Variants in TMEM209 observed in about 807,000 individuals in gnomAD.
TMEM209 encodes transmembrane protein 209, also known as testicular tissue protein Li 202.
A neutral mutation model predicts 76.2 loss-of-function variants in TMEM209; 65 were observed. That is an observed-to-expected ratio of 0.85 (90% CI 0.70 to 1.05). TMEM209 has a LOEUF of 1.05. Ranked by LOEUF, TMEM209 falls within the 50% of genes least tolerant of loss-of-function variation. TMEM209 has a pLI of 0.00. For synonymous variants in TMEM209, 239 were observed against 237.6 expected, an observed-to-expected ratio of 1.01 and a Z score of -0.06; for missense variants, 623 against 685.5, an observed-to-expected ratio of 0.91 and a Z score of 1.02.
At chr7:130,184,611 G>C (rs919538988) in intron 7 of TMEM209, among the ~76,000 whole-genome samples, 1 of 151,242 alleles carries the variant, frequency 6.6e-6, no homozygotes, top group Non-Finnish European at 1.5e-5. Flanking sequence ...TCCCGCCTCA[G>C]CCTCCTGAGT....
Position 130,175,528 on chromosome 7 carries a change from A to C in TMEM209, c.1328T>G (p.Leu443Arg). 1 of 1,612,794 alleles carries C rather than the reference A, an allele frequency of 6.2e-7. No homozygotes were observed. Residue 443 changes from leucine (L) to arginine (R), a missense_variant, in exon 11 of 15, where the codon CTG (leucine) becomes CGG (arginine). Leu to Arg is a moderately radical substitution (Grantham distance 102). Transcript: ENST00000397622. ...DFKGRKWDTD[L>R]PTDSAIIMHV... Reference sequence around the variant, plus strand: ...GGGGCTTACAGCAGAATCGGTGGGCAGGTCTGTATCCCACTTTCGTCCTTT... The same window carrying C: ...GGGGCTTACAGCAGAATCGGTGGGCCGGTCTGTATCCCACTTTCGTCCTTT...
At chr7:130,187,335 T>C (rs1797636307) in intron 6 of TMEM209, among the ~76,000 whole-genome samples, 1 of 151,014 alleles carries the variant, frequency 6.6e-6, no homozygotes, top group Non-Finnish European at 1.5e-5. Flanking sequence ...GAATAGCCAG[T>C]GGTTAAAAAT....
At chr7:130,195,401 T>A (rs542986761) in intron 5 of TMEM209, among the ~76,000 whole-genome samples, 7 of 152,236 alleles carry the variant, frequency 4.6e-5, no homozygotes, top group Admixed American at 2.0e-4. Context: ...TCCTATTGGA[T>A]CTAATTGAAT....
intron 14 of TMEM209, among the ~76,000 whole-genome samples, chr7:130,167,274 G>A (rs1796911263): frequency 6.6e-6 from 1 of 152,082 alleles, no homozygotes. Flanking sequence ...AAAATTATAA[G>A]AATGTATTAA....
At chr7:130,205,179 C>A (rs1798401975) in intron 1 of TMEM209, 194 bp downstream of exon 1, 15 of 1,500,708 alleles carry the variant, frequency 1.0e-5, no homozygotes, top group Non-Finnish European at 1.3e-5. Flanking sequence ...ATTTCCCAGT[C>A]CAGAGCTTCC....
At chr7:130,183,314 G>A (rs1284096322) in intron 8 of TMEM209, among the ~76,000 whole-genome samples, 1 of 152,008 alleles carries the variant, frequency 6.6e-6, no homozygotes, top group African/African-American at 2.4e-5. Context: ...ATTACCTAAC[G>A]TGTCCCAGAG....
rs746516956 is a variant in TMEM209, at chr7:130,192,667, T to C, written c.730A>G (p.Thr244Ala). The C allele has an allele frequency of 1.2e-5, 20 of 1,613,770 alleles. No individual in the cohort carries two copies. The South Asian group carries it at 1.9e-4, about 15-fold the overall frequency. Residue 244 changes from threonine to alanine, a missense_variant, in exon 6 of 15, where the codon ACT (threonine) becomes GCT (alanine). Transcript: ENST00000397622. ...TTCTCCTCTTCACTTCTGAGAAAAGTATCCAAAGTTCGTAGGTCGGTCATG... is the reference window on the plus strand; with the variant it reads ...TTCTCCTCTTCACTTCTGAGAAAAGCATCCAAAGTTCGTAGGTCGGTCATG... ...DYMTDLRTLD[T>A]FLRSEEEKQH... is the part of the protein sequence containing the mutation.
chr7:130,196,276 T>C (rs895303853), intron 5 of TMEM209, among the ~76,000 whole-genome samples: 6 of 152,066 alleles, frequency 3.9e-5, no homozygotes, highest in Non-Finnish European at 7.4e-5. Context: ...ATATATTGTT[T>C]TTAAATTTTC....
intron 14 of TMEM209, among the ~76,000 whole-genome samples, chr7:130,167,395 GA>G (rs547700667): frequency 4.7e-4 from 71 of 151,884 alleles, no homozygotes; most frequent in African/African-American, 1.3e-3. Context: ...AAATTTGACA[GA>G]AAAAAAAGTT....
chr7:130,188,224 G>T (rs1797667134), intron 6 of TMEM209, among the ~76,000 whole-genome samples: 3 of 152,186 alleles, frequency 2.0e-5, no homozygotes, highest in Admixed American at 2.0e-4. Flanking sequence ...AACCAAAAAA[G>T]CTGGGGTGGG....
chr7:130,202,423 G>A (rs923644694), intron 4 of TMEM209, 109 bp downstream of exon 4: 2 of 1,403,220 alleles, frequency 1.4e-6, no homozygotes, highest in South Asian at 2.9e-5. Flanking sequence ...TCCTGCTTAA[G>A]ATAGCTGATG....
intron 13 of TMEM209, 38 bp from the exon 14 acceptor site, chr7:130,170,511 T>A: frequency 6.5e-7 from 1 of 1,531,198 alleles, no homozygotes; most frequent in African/African-American, 1.4e-5. Flanking sequence ...TTAAACCAAA[T>A]GAAAAAGATT....
At position 130,173,898 on chromosome 7, in the gene TMEM209, T is replaced by C. The variant is rs3823482; in HGVS notation, c.1386A>G (p.Leu462=). 0.25 allele frequency: 403,434 copies of C among 1,611,944 alleles called. 55,261 individuals are homozygous for C. The highest frequency in any genetic ancestry group is 0.58 in the East Asian group (26,095 of 44,832). The change falls in exon 12 of 15, where the codon TTA becomes TTG. Residue 462 remains leucine, a synonymous_variant. Transcript: ENST00000397622. The stretch of plus-strand genomic sequence containing the variant: ...CGTCGGGATACTTCGGATGTGGAGG[T>C]AATCTGGAATCAAGGTAGGTGCAAA... ...HVFCTYLDSR[L]PPHPKYPDGK...
In TMEM209 at chr7:130,203,687, T is replaced by G; in HGVS notation, c.199+101A>C. ...CCAGTTTTTACAACCCAGCAGGCAG[T>G]CAAATACTTGTTGAATAAGGAAATG... On this transcript the variant is annotated intron_variant, in intron 3 of 14. Transcript: ENST00000397622. The G allele has an allele frequency of 3.8e-6, 4 of 1,039,982 alleles. No homozygotes were observed. In the East Asian group the frequency reaches 1.0e-4, roughly 27 times the overall value. 64.4% of individuals were successfully genotyped at this position (1,039,982 alleles called of 1,614,324 possible).
rs1208447739 is a variant in TMEM209 at position 130,181,618 on chromosome 7, C to T, written c.1120+5G>A. ...AATCCAACACTGGGCTCTGTTTTCA[C>T]ATACCTCCTATCTGTAGCTCTGGAC... On this transcript the variant is annotated splice_donor_5th_base_variant and intron_variant, in intron 9 of 14. Coordinates refer to ENST00000397622, the MANE Select transcript of TMEM209 (RefSeq NM_032842.4). 6.2e-7 allele frequency: 1 copy of T among 1,609,164 alleles called. No individual in the cohort carries two copies. Among genetic ancestry groups the T allele is most frequent in the Admixed American group, 1.7e-5 (1 of 59,422 alleles).
intron 10 of TMEM209, among the ~76,000 whole-genome samples, chr7:130,177,689 T>C (rs1452883102): frequency 3.9e-5 from 6 of 152,160 alleles, no homozygotes; most frequent in African/African-American, 1.4e-4. Flanking sequence ...CTAGTGATTG[T>C]TGAGGCTGGG....
chr7:130,190,242 G>A (rs1384165227), intron 6 of TMEM209, among the ~76,000 whole-genome samples: 1 of 152,178 alleles, frequency 6.6e-6, no homozygotes, highest in African/African-American at 2.4e-5. Context: ...ATTGGGCCAG[G>A]CGCGGTGGCT....
intron 6 of TMEM209, 130 bp downstream of exon 6, chr7:130,192,492 A>G: frequency 1.3e-6 from 1 of 760,876 alleles, no homozygotes; most frequent in Non-Finnish European, 2.1e-6. Context: ...AAATAATGTT[A>G]CATATAAAGT....
intron 6 of TMEM209, among the ~76,000 whole-genome samples, chr7:130,189,731 A>T (rs1453205891): frequency 6.6e-6 from 1 of 152,074 alleles, no homozygotes; most frequent in African/African-American, 2.4e-5. Context: ...AACATTATAA[A>T]CTCATGGTTT....
Sources: gnomAD v4.1 joint callset for allele counts (sites outside exome capture counted in the v4.1 genomes callset) on GRCh38, gnomAD v4.1.1 for gene constraint, MANE v1.5 for transcripts, NCBI Gene and HGNC (gene_info 2026-07-23, HGNC 2026-07-21) for gene names.